The following PRLR variants were observed in gnomAD, a reference collection of about 807,000 sequenced individuals.
PRLR encodes the protein prolactin receptor, also known as hPRL receptor.
PRLR carries 13 observed loss-of-function variants against 40.2 expected under a neutral mutation model. The ratio of observed to expected loss-of-function variants is 0.32; its 90% CI spans 0.21 to 0.51. The LOEUF is 0.51. Ranked by LOEUF, PRLR falls within the 20% of genes least tolerant of loss-of-function variation. The pLI, the probability that PRLR is intolerant of heterozygous loss-of-function variation, is 0.97. For synonymous variants in PRLR, 269 were observed against 278.7 expected, an observed-to-expected ratio of 0.97 and a Z score of 0.35; for missense variants, 656 against 747.3, an observed-to-expected ratio of 0.88 and a Z score of 1.42.
chr5:35,074,168 A>T (rs936419652), intron 5 of PRLR, among the ~76,000 whole-genome samples: 2 of 152,176 alleles, frequency 1.3e-5, no homozygotes, highest in African/African-American at 4.8e-5. Flanking sequence ...ATGGATAAAA[A>T]ATGTGGTAGA....
chr5:35,082,940 C>A (rs1252548562), intron 5 of PRLR, among the ~76,000 whole-genome samples: 1 of 152,104 alleles, frequency 6.6e-6, no homozygotes, highest in Non-Finnish European at 1.5e-5. Context: ...TCTTTTTAAA[C>A]ATATTACTTT....
At chr5:35,156,098 G>T (rs1202249190) in intron 1 of PRLR, among the ~76,000 whole-genome samples, 1 of 140,384 alleles carries the variant, frequency 7.1e-6, no homozygotes, top group Admixed American at 7.2e-5. Context: ...AATTTAAAAT[G>T]TTGTCTCCAT....
chr5:35,079,094 C>T (rs959606422), intron 5 of PRLR, among the ~76,000 whole-genome samples: 1 of 152,150 alleles, frequency 6.6e-6, no homozygotes, highest in African/African-American at 2.4e-5. Context: ...AACCCACAGC[C>T]AATATCATAC....
At chr5:35,214,271 C>T (rs1220506509) in intron 1 of PRLR, among the ~76,000 whole-genome samples, 2 of 152,212 alleles carry the variant, frequency 1.3e-5, no homozygotes, top group Non-Finnish European at 2.9e-5. Context: ...GTTCCAAAGG[C>T]TCATAACCTA....
rs576064305 is a variant in PRLR at position 35,131,231 on chromosome 5, T to C, written c.-105-13109A>G. On this transcript the variant is annotated intron_variant, in intron 1 of 9. Coordinates refer to ENST00000618457, the MANE Select transcript of PRLR (RefSeq NM_000949.7). ...TTAATCAGTGAAAAAAGTTGGATGG[T>C]ATGGGATTTTGTTGGCCTAATGTGG... 3.7e-3 allele frequency among the ~76,000 whole-genome samples: 570 copies of C among 152,302 alleles called. 4 individuals carry two copies. The highest frequency in any genetic ancestry group is 6.5e-3 in the Non-Finnish European group (441 of 68,024).
chr5:35,219,183 G>T (rs1001581816), intron 1 of PRLR, among the ~76,000 whole-genome samples: 1 of 152,142 alleles, frequency 6.6e-6, no homozygotes, highest in Non-Finnish European at 1.5e-5. Flanking sequence ...GTCTCCTAGT[G>T]GTACCTTGGG....
chr5:35,143,534 G>T (rs1420196052), intron 1 of PRLR, among the ~76,000 whole-genome samples: 3 of 152,018 alleles, frequency 2.0e-5, no homozygotes, highest in African/African-American at 7.3e-5. Flanking sequence ...TTTCTTCATG[G>T]CACATATTGC....
At chr5:35,093,512 C>G (rs964835883) in intron 2 of PRLR, among the ~76,000 whole-genome samples, 2 of 152,168 alleles carry the variant, frequency 1.3e-5, no homozygotes, top group Non-Finnish European at 2.9e-5. Context: ...GTTGCTGCAA[C>G]CTTCTACTCA....
chr5:35,220,515 AT>A (rs769786896), intron 1 of PRLR, among the ~76,000 whole-genome samples: 1 of 151,740 alleles, frequency 6.6e-6, no homozygotes, highest in Admixed American at 6.6e-5. Flanking sequence ...AGTTCATTGC[AT>A]TTTTTTCATA....
At chr5:35,129,151 T>G (rs1037656701) in intron 1 of PRLR, among the ~76,000 whole-genome samples, 2 of 152,182 alleles carry the variant, frequency 1.3e-5, no homozygotes, top group African/African-American at 4.8e-5. Context: ...GGTGGTTATG[T>G]AGGCAGCTTT....
Position 35,062,909 on chromosome 5 carries a change from C to G in PRLR, c.*2180G>C, listed in dbSNP as rs562010338. ...GCAGTGTTGTTCATTGCAAGTCAAA[C>G]AGACTTGATCTGTCCTTTCCAAAAG... is the stretch of plus-strand genomic sequence containing the variant. On this transcript the variant is annotated 3_prime_UTR_variant, in exon 10 of 10. Transcript: ENST00000618457. 12 of 152,310 alleles carry G rather than the reference C, an allele frequency of 7.9e-5. No individual in the cohort carries two copies. Among genetic ancestry groups the G allele is most frequent in the Admixed American group, 7.8e-4 (12 of 15,294 alleles). 9.4% of individuals were successfully genotyped at this position (152,310 alleles called of 1,614,324 possible). A position where few individuals can be genotyped will look rare whatever the true frequency, so the allele number is the denominator to read the frequency against.
intron 1 of PRLR, among the ~76,000 whole-genome samples, chr5:35,198,109 C>T (rs1176198848): frequency 6.6e-6 from 1 of 152,228 alleles, no homozygotes; most frequent in Non-Finnish European, 1.5e-5. Context: ...GCATCCTGGG[C>T]AGCTCCGTTC....
chr5:35,131,725 A>G (rs1463145382), intron 1 of PRLR, among the ~76,000 whole-genome samples: 2 of 152,152 alleles, frequency 1.3e-5, no homozygotes, highest in Non-Finnish European at 2.9e-5. Context: ...TCTGCCACAC[A>G]GGGTCATTCT....
chr5:35,103,633 A>G (rs941246258), intron 2 of PRLR, among the ~76,000 whole-genome samples: 2 of 152,250 alleles, frequency 1.3e-5, no homozygotes, highest in Non-Finnish European at 2.9e-5. Flanking sequence ...TTATCTGTGT[A>G]AACACTCTTC....
intron 1 of PRLR, among the ~76,000 whole-genome samples, chr5:35,188,092 GCTA>G (rs1775495892): frequency 1.3e-5 from 2 of 152,118 alleles, no homozygotes; most frequent in Admixed American, 1.3e-4. Context: ...TTAATCTCCT[GCTA>G]CTGCAGTCAC....
intron 1 of PRLR, among the ~76,000 whole-genome samples, chr5:35,163,783 A>G (rs966295378): frequency 6.6e-6 from 1 of 152,232 alleles, no homozygotes; most frequent in Non-Finnish European, 1.5e-5. Context: ...TTTAAACATC[A>G]ACTTTCTCTG....
chr5:35,093,054 C>G (rs1175776530), intron 2 of PRLR, among the ~76,000 whole-genome samples: 2 of 152,156 alleles, frequency 1.3e-5, no homozygotes, highest in Non-Finnish European at 2.9e-5. Context: ...TAGGCCCTCT[C>G]TTTCCAAAAG....
At chr5:35,198,859 T>C (rs936812791) in intron 1 of PRLR, among the ~76,000 whole-genome samples, 1 of 152,182 alleles carries the variant, frequency 6.6e-6, no homozygotes, top group African/African-American at 2.4e-5. Context: ...TTTCTCTCAG[T>C]AAGCTGTTAG....
In PRLR at chr5:35,086,192, G is replaced by C; in HGVS notation, c.203+16C>G. On this transcript the variant is annotated intron_variant, in intron 4 of 9. Coordinates refer to ENST00000618457, the MANE Select transcript of PRLR (RefSeq NM_000949.7). ...TACTCATGTGGGGTTTCATAGGAGA[G>C]AAGGGAACTTCTTACCCTTCCCTGT... 6.2e-7 allele frequency: 1 copy of C among 1,613,588 alleles called. No homozygotes were observed. Among genetic ancestry groups the C allele is most frequent in the Non-Finnish European group, 8.5e-7 (1 of 1,179,680 alleles).
Sources: allele counts gnomAD v4.1 joint callset (sites outside exome capture counted in the v4.1 genomes callset), GRCh38; gene constraint gnomAD v4.1.1; transcripts MANE v1.5; gene names NCBI Gene and HGNC (gene_info 2026-07-23, HGNC 2026-07-21).